LNPEP: variants seen among roughly 807,000 people sequenced by gnomAD.
The protein encoded by LNPEP is leucyl-cystinyl aminopeptidase.
A neutral mutation model predicts 120.6 loss-of-function variants in LNPEP; 64 were observed. That is an observed-to-expected ratio of 0.53 (90% confidence interval 0.43 to 0.65). LNPEP has a LOEUF of 0.65. LNPEP is among the 30% of genes least tolerant of loss of function. LNPEP has a pLI of 0.00. For synonymous variants in LNPEP, 435 were observed against 425.4 expected (o/e 1.02, Z -0.28); for missense variants, 1,057 against 1,200.0 (o/e 0.88, Z 1.76).
At chr5:96,943,124 A>T in intron 1 of LNPEP, 1 of 427,260 alleles carries the variant, frequency 2.3e-6, no homozygotes, top group Non-Finnish European at 3.8e-6. Flanking sequence ...TGAGATTGTT[A>T]AGCAGATTAC....
At chr5:97,010,721 A>G (rs897784773) in intron 11 of LNPEP, 21 of 985,162 alleles carry the variant, frequency 2.1e-5, no homozygotes, top group South Asian at 4.7e-5. Context: ...CTTTTTTGCT[A>G]CTCAATAGAC....
At chr5:96,972,814 A>C (rs183404688) in intron 1 of LNPEP, among the ~76,000 whole-genome samples, 2 of 152,188 alleles carry the variant, frequency 1.3e-5, no homozygotes, top group East Asian at 3.9e-4. Context: ...GGACTGAATC[A>C]TTGCTCGCTG....
chr5:97,018,226 C>T (rs1296359846), intron 13 of LNPEP, among the ~76,000 whole-genome samples: 7 of 152,034 alleles, frequency 4.6e-5, no homozygotes, highest in African/African-American at 1.7e-4. Flanking sequence ...TCTGAATATA[C>T]CCTGTGAGGA....
At position 96,979,588 on chromosome 5, in the gene LNPEP, A is replaced by G; in HGVS notation, c.470A>G (p.Asn157Ser). ...SIGLIQPFAT[N>S]GKLFPWAQIR... is the part of the protein sequence containing the mutation. ...GGACTAATTCAGCCATTTGCAACAAATGGGAAATTGTTTCCATGGGCACAG... is the reference window on the plus strand; with the variant it reads ...GGACTAATTCAGCCATTTGCAACAAGTGGGAAATTGTTTCCATGGGCACAG... The change falls in exon 2 of 18, where the codon AAT becomes AGT. Residue 157 changes from asparagine to serine, a missense_variant. Asn to Ser is a conservative substitution (Grantham distance 46). Coordinates refer to ENST00000231368, the MANE Select transcript of LNPEP (RefSeq NM_005575.3). 4 of 1,614,078 alleles carry G rather than the reference A, an allele frequency of 2.5e-6. No individual in the cohort carries two copies. Among genetic ancestry groups the G allele is most frequent in the Non-Finnish European group, 3.4e-6 (4 of 1,179,958 alleles).
At chr5:96,990,979 T>G (rs984011979) in intron 4 of LNPEP, among the ~76,000 whole-genome samples, 1 of 152,174 alleles carries the variant, frequency 6.6e-6, no homozygotes, top group East Asian at 1.9e-4. Context: ...TCTTTAGTGG[T>G]GATTTCTGAG....
chr5:96,936,183 G>C lies in LNPEP; in HGVS notation c.19+9G>C. On this transcript the variant is annotated intron_variant, in intron 1 of 17. Coordinates refer to ENST00000231368, the MANE Select transcript of LNPEP (RefSeq NM_005575.3). The stretch of plus-strand genomic sequence containing the variant: ...GGAGCCCTTCACCAATGGTGAGTGG[G>C]CTGCCGAGGCGCCGGGACCCGGGCT... 1 of 1,447,536 alleles carries C rather than the reference G, an allele frequency of 6.9e-7. No individual in the cohort carries two copies. The highest frequency in any genetic ancestry group is 9.1e-7 in the Non-Finnish European group (1 of 1,102,298). 89.7% of individuals were successfully genotyped at this position (1,447,536 alleles called of 1,614,324 possible). A position where few individuals can be genotyped will look rare whatever the true frequency, so the allele number is the denominator to read the frequency against.
intron 1 of LNPEP, among the ~76,000 whole-genome samples, chr5:96,938,565 GT>G (rs952127873): frequency 6.6e-6 from 1 of 151,898 alleles, no homozygotes; most frequent in Admixed American, 6.6e-5. Flanking sequence ...ATTCCAGTAC[GT>G]TTTTTTTGTA....
chr5:96,997,398 C>T (rs1036731344), intron 7 of LNPEP, among the ~76,000 whole-genome samples: 1 of 151,982 alleles, frequency 6.6e-6, no homozygotes, highest in Non-Finnish European at 1.5e-5. Flanking sequence ...GAAAGATATT[C>T]TAAATCCATG....
At chr5:96,943,669 T>C (rs559837950) in intron 1 of LNPEP, among the ~76,000 whole-genome samples, 1 of 152,318 alleles carries the variant, frequency 6.6e-6, no homozygotes, top group South Asian at 2.1e-4. Context: ...CAATTAATTT[T>C]TTTAAAATTC....
chr5:96,945,912 A>T (rs1233993758), intron 1 of LNPEP, among the ~76,000 whole-genome samples: 2 of 152,250 alleles, frequency 1.3e-5, no homozygotes, highest in African/African-American at 2.4e-5. Context: ...GAGCTCAATC[A>T]AAAGGAGATG....
chr5:97,019,120 G>A (rs149839108), intron 13 of LNPEP, among the ~76,000 whole-genome samples: 210 of 152,282 alleles, frequency 1.4e-3, no homozygotes, highest in African/African-American at 4.8e-3. Context: ...ATAAGTGCTA[G>A]CATCTTTCCC....
rs917421813 is a variant in LNPEP, at chr5:97,029,389, C to T, written c.*856C>T. 9 of 152,266 alleles carry T rather than the reference C, an allele frequency of 5.9e-5. No homozygotes were observed. Among genetic ancestry groups the T allele is most frequent in the Non-Finnish European group, 8.8e-5 (6 of 68,026 alleles). 9.4% of individuals were successfully genotyped at this position (152,266 alleles called of 1,614,324 possible). On this transcript the variant is annotated 3_prime_UTR_variant, in exon 18 of 18. Transcript: ENST00000231368. The stretch of plus-strand genomic sequence containing the variant: ...TACTTTAGGTTAGTATTTCTACATT[C>T]GTGGCAAGCATTTTGGTAACACCAG...
chr5:97,025,166 A>G (rs1189341769), intron 15 of LNPEP, among the ~76,000 whole-genome samples: 1 of 152,346 alleles, frequency 6.6e-6, no homozygotes, highest in Non-Finnish European at 1.5e-5. Flanking sequence ...GGATGAAGGT[A>G]GGGCAGTAAG....
intron 1 of LNPEP, among the ~76,000 whole-genome samples, chr5:96,956,873 A>G (rs1789481964): frequency 6.6e-6 from 1 of 151,886 alleles, no homozygotes; most frequent in African/African-American, 2.4e-5. Context: ...ATTTCTGTTA[A>G]TCTTTAAGTT....
chr5:96,975,468 G>A (rs1789970328), intron 1 of LNPEP, among the ~76,000 whole-genome samples: 1 of 152,044 alleles, frequency 6.6e-6, no homozygotes, highest in African/African-American at 2.4e-5. Context: ...TTTTTGACGT[G>A]ACTTGTAATC....
Position 97,028,483 on chromosome 5 carries a change from A to C in LNPEP, c.3028A>C (p.Asn1010His). The change falls in exon 18 of 18, where the codon AAT becomes CAT. Residue 1010 changes from asparagine (N) to histidine (H), a missense_variant. Coordinates refer to ENST00000231368, the MANE Select transcript of LNPEP (RefSeq NM_005575.3). ...VQEALEVIQLNIQWMEKNLKS... is the reference protein window; with the variant it reads ...VQEALEVIQLHIQWMEKNLKS... ...GGAGGCTTTGGAAGTCATTCAGTTGAATATCCAGTGGATGGAGAAGAACCT... is the reference window on the plus strand; with the variant it reads ...GGAGGCTTTGGAAGTCATTCAGTTGCATATCCAGTGGATGGAGAAGAACCT... 1 of 1,614,052 alleles carries C rather than the reference A, an allele frequency of 6.2e-7. No homozygotes were observed.
At chr5:96,943,236 A>AT in intron 1 of LNPEP, 1 of 86,196 alleles carries the variant, frequency 1.2e-5, no homozygotes, top group Non-Finnish European at 2.4e-5. Context: ...AAAAAAAAAA[A>AT]AGAAAACTAT....
At position 97,034,271 on chromosome 5, in the gene LNPEP, C is replaced by T. The variant is rs1791528539; in HGVS notation, c.*5738C>T. ...CCTGTTACTTCATTGTGTGCCAAGGCCTTTCCATGGATACTTAGGTACGTA... is the reference window on the plus strand; with the variant it reads ...CCTGTTACTTCATTGTGTGCCAAGGTCTTTCCATGGATACTTAGGTACGTA... On this transcript the variant is annotated 3_prime_UTR_variant, in exon 18 of 18. Transcript: ENST00000231368. The T allele has an allele frequency of 6.6e-6, 1 of 152,120 alleles. No individual in the cohort carries two copies. The highest frequency in any genetic ancestry group is 1.5e-5 in the Non-Finnish European group (1 of 68,020). The allele number at this position is 152,120 out of a possible 1,614,324, so 9.4% of individuals were successfully genotyped here. A position where few individuals can be genotyped will look rare whatever the true frequency, so the allele number is the denominator to read the frequency against.
intron 2 of LNPEP, among the ~76,000 whole-genome samples, chr5:96,984,325 C>G (rs1790192974): frequency 6.6e-6 from 1 of 152,206 alleles, no homozygotes; most frequent in Non-Finnish European, 1.5e-5. Context: ...TGATTAACTT[C>G]TTTTAATCCA....
Sources: allele counts gnomAD v4.1 joint callset (sites outside exome capture counted in the v4.1 genomes callset), GRCh38; gene constraint gnomAD v4.1.1; transcripts MANE v1.5; gene names NCBI Gene and HGNC (gene_info 2026-07-23, HGNC 2026-07-21).